NLGN1: variants seen among roughly 807,000 people sequenced by gnomAD.
The protein encoded by NLGN1 is neuroligin 1, also known as neuroligin-1.
Under a neutral mutation model 65.5 loss-of-function variants are expected in NLGN1, and 12 were observed. The observed-to-expected ratio is 0.18, with a 90% confidence interval of 0.12 to 0.30. The LOEUF (loss-of-function observed/expected upper bound fraction) is 0.30, where lower values mean the gene tolerates loss of function less well. Ranked by LOEUF, NLGN1 falls within the 10% of genes least tolerant of loss-of-function variation. The probability of loss-of-function intolerance (pLI) is 1.00; values close to 1 mark genes in which losing one functional copy is unlikely to be tolerated. For missense variants in NLGN1, 750 were observed against 1,007.1 expected (o/e 0.74, Z 3.46); for synonymous variants, 350 against 359.5 (o/e 0.97, Z 0.30).
chr3:173,416,360 A>G (rs953222681), intron 1 of NLGN1, among the ~76,000 whole-genome samples: 8 of 152,342 alleles, frequency 5.3e-5, no homozygotes, highest in Middle Eastern at 3.4e-3. Flanking sequence ...CAGAATATGC[A>G]GCACCTCATT....
At chr3:173,880,781 C>T (rs1733077533) in intron 4 of NLGN1, among the ~76,000 whole-genome samples, 1 of 152,018 alleles carries the variant, frequency 6.6e-6, no homozygotes, top group Admixed American at 6.6e-5. Context: ...GGAAGTTTGC[C>T]ACTTCAATTA....
At chr3:173,595,636 T>C (rs1749339559) in intron 2 of NLGN1, among the ~76,000 whole-genome samples, 1 of 152,156 alleles carries the variant, frequency 6.6e-6, no homozygotes, top group African/African-American at 2.4e-5. Context: ...ACTCTGCTGG[T>C]ACCATTTTAC....
intron 2 of NLGN1, among the ~76,000 whole-genome samples, chr3:173,535,312 G>A (rs1737254031): frequency 6.6e-6 from 1 of 152,180 alleles, no homozygotes; most frequent in South Asian, 2.1e-4. Context: ...AAGGAAATTT[G>A]TTAACATATG....
chr3:173,735,708 T>C (rs752802085), intron 3 of NLGN1, among the ~76,000 whole-genome samples: 2 of 152,088 alleles, frequency 1.3e-5, no homozygotes, highest in Non-Finnish European at 2.9e-5. Context: ...CACAGGAGGC[T>C]GTGTAATAAT....
At chr3:174,011,234 C>T (rs920283170) in intron 4 of NLGN1, among the ~76,000 whole-genome samples, 1 of 152,108 alleles carries the variant, frequency 6.6e-6, no homozygotes, top group Non-Finnish European at 1.5e-5. Flanking sequence ...ATCTATGTCC[C>T]ACACAATTAC....
At chr3:173,663,209 G>T (rs1761186762) in intron 3 of NLGN1, among the ~76,000 whole-genome samples, 1 of 151,926 alleles carries the variant, frequency 6.6e-6, no homozygotes, top group African/African-American at 2.4e-5. Flanking sequence ...CTGAAAAAGT[G>T]TTTAGTTGTA....
intron 2 of NLGN1, among the ~76,000 whole-genome samples, chr3:173,549,541 G>A (rs1740491196): frequency 6.6e-6 from 1 of 151,768 alleles, no homozygotes; most frequent in African/African-American, 2.4e-5. Context: ...CCATATTCCT[G>A]TGTTAATAAA....
intron 1 of NLGN1, among the ~76,000 whole-genome samples, chr3:173,410,438 T>C (rs1028297777): frequency 9.2e-5 from 14 of 152,178 alleles, no homozygotes; most frequent in African/African-American, 3.4e-4. Flanking sequence ...CTACCTCAAT[T>C]GTGACAGTCC....
chr3:173,566,448 C>T (rs1379198704), intron 2 of NLGN1, among the ~76,000 whole-genome samples: 2 of 152,072 alleles, frequency 1.3e-5, no homozygotes, highest in African/African-American at 2.4e-5. Context: ...TTAAATAATG[C>T]TTGCAAAATT....
intron 2 of NLGN1, among the ~76,000 whole-genome samples, chr3:173,514,445 CTGG>C (rs1221106258): frequency 3.3e-5 from 5 of 152,002 alleles, no homozygotes; most frequent in Non-Finnish European, 7.4e-5. Context: ...CCTTTGTGTT[CTGG>C]TAGTTTAGCT....
intron 4 of NLGN1, among the ~76,000 whole-genome samples, chr3:173,894,639 T>C (rs1308078292): frequency 4.0e-5 from 6 of 151,124 alleles, no homozygotes; most frequent in African/African-American, 9.7e-5. Flanking sequence ...TTTTCTTTTT[T>C]TTTTTTTTTG....
chr3:174,216,031 C>G (rs765309462), intron 4 of NLGN1, among the ~76,000 whole-genome samples: 1 of 152,092 alleles, frequency 6.6e-6, no homozygotes, highest in Non-Finnish European at 1.5e-5. Flanking sequence ...TCATGACAAC[C>G]CAAGGGGTAG....
chr3:174,198,844 C>CTCT (rs1553960895), intron 4 of NLGN1, among the ~76,000 whole-genome samples: 1 of 99,862 alleles, frequency 1.0e-5, no homozygotes, highest in Non-Finnish European at 1.9e-5. Context: ...TGACTAGATT[C>CTCT]TTTTTTTTTT....
chr3:173,942,140 G>GTGTT (rs1281660909), intron 4 of NLGN1, among the ~76,000 whole-genome samples: 1 of 147,172 alleles, frequency 6.8e-6, no homozygotes, highest in Admixed American at 6.7e-5. Context: ...GTGTGTGTGT[G>GTGTT]TATGTGTGTG....
chr3:173,444,561 T>A (rs1035191022), intron 2 of NLGN1, among the ~76,000 whole-genome samples: 2 of 152,140 alleles, frequency 1.3e-5, no homozygotes, highest in African/African-American at 4.8e-5. Context: ...TTCAAAAAAA[T>A]ATATATATTC....
At chr3:174,011,881 A>G (rs1184359260) in intron 4 of NLGN1, among the ~76,000 whole-genome samples, 2 of 152,176 alleles carry the variant, frequency 1.3e-5, no homozygotes, top group Non-Finnish European at 2.9e-5. Flanking sequence ...TTTCTCATAC[A>G]AGAAAACAAA....
intron 4 of NLGN1, among the ~76,000 whole-genome samples, chr3:174,010,859 T>G (rs1725393507): frequency 1.3e-5 from 2 of 152,186 alleles, no homozygotes; most frequent in South Asian, 4.1e-4. Flanking sequence ...TCTCTCAAAT[T>G]TGATGATGGG....
chr3:173,493,981 T>G (rs942526041), intron 2 of NLGN1, among the ~76,000 whole-genome samples: 3 of 151,858 alleles, frequency 2.0e-5, no homozygotes, highest in Non-Finnish European at 4.4e-5. Context: ...GCATTTTGCC[T>G]TACCAAAAAT....
intron 4 of NLGN1, among the ~76,000 whole-genome samples, chr3:174,115,177 C>T (rs776756842): frequency 5.9e-5 from 9 of 152,040 alleles, no homozygotes; most frequent in African/African-American, 1.7e-4. Flanking sequence ...TGACTCAGTA[C>T]GTTGAAGTTA....
Sources: allele counts gnomAD v4.1 joint callset (sites outside exome capture counted in the v4.1 genomes callset), GRCh38; gene constraint gnomAD v4.1.1; transcripts MANE v1.5; gene names NCBI Gene and HGNC (gene_info 2026-07-23, HGNC 2026-07-21).